Variants in FAAP100 observed in about 807,000 individuals in gnomAD.
FAAP100 encodes the protein Fanconi anemia core complex-associated protein 100.
FAAP100 carries 46 observed loss-of-function variants against 65.8 expected under a neutral mutation model. The observed-to-expected ratio is 0.70, with a 90% CI of 0.55 to 0.89. The LOEUF is 0.89. FAAP100 is among the 40% of genes least tolerant of loss of function. The pLI is 0.00. For synonymous variants in FAAP100, 663 were observed against 555.1 expected, an observed-to-expected ratio of 1.19 and a Z score of -2.73; for missense variants, 1,165 against 1,196.7, an observed-to-expected ratio of 0.97 and a Z score of 0.39.
At chr17:81,541,583 A>C (rs1342625879) in intron 7 of FAAP100, among the ~76,000 whole-genome samples, 188 bp from the exon 8 acceptor site, 3 of 152,186 alleles carry the variant, frequency 2.0e-5, no homozygotes, top group Non-Finnish European at 4.4e-5. Context: ...CCAGAGCGGC[A>C]GGGCACAGAG....
Position 81,547,041 on chromosome 17 carries a change from C to A in FAAP100, c.2041G>T (p.Glu681Ter). ...TGGCTGCCAGGCTCCCGACAAGTTTCCAGAAAAGTGGCCACAGGGTCTCGG... is the reference window on the plus strand; with the variant it reads ...TGGCTGCCAGGCTCCCGACAAGTTTACAGAAAAGTGGCCACAGGGTCTCGG... The part of the protein sequence containing the change: ...PTRDPVATFL[E>*]TCREPGSQPA... Residue 681 changes from glutamate to a stop codon, truncating the protein, a stop_gained, in exon 5 of 9, where the codon GAA (glutamate) becomes TAA (stop). Coordinates refer to ENST00000327787, the MANE Select transcript of FAAP100 (RefSeq NM_025161.6). LOFTEE classifies it high-confidence loss of function. 2 of 1,557,440 alleles carry A rather than the reference C, an allele frequency of 1.3e-6. No individual in the cohort carries two copies. Among genetic ancestry groups the A allele is most frequent in the Non-Finnish European group, 8.7e-7 (1 of 1,151,442 alleles).
At chr17:81,541,899 C>G (rs894728509) in intron 7 of FAAP100, among the ~76,000 whole-genome samples, 44 of 152,258 alleles carry the variant, frequency 2.9e-4, no homozygotes, top group African/African-American at 1.0e-3. Flanking sequence ...CCAGGTGTGG[C>G]TCAGACCTGT....
intron 2 of FAAP100, 55 bp downstream of exon 2, chr17:81,551,873 A>T: frequency 1.3e-6 from 2 of 1,482,518 alleles, no homozygotes; most frequent in East Asian, 5.6e-5. Context: ...CTCGCTCTGA[A>T]GCAGTCCGGG....
intron 7 of FAAP100, 68 bp from the exon 8 acceptor site, chr17:81,541,463 G>C: frequency 7.3e-7 from 1 of 1,375,236 alleles, no homozygotes; most frequent in Non-Finnish European, 1.0e-6. Context: ...CCTTGGAGCA[G>C]GGTGACCCTC....
At chr17:81,543,654 C>A (rs577343730) in intron 7 of FAAP100, among the ~76,000 whole-genome samples, 2 of 152,316 alleles carry the variant, frequency 1.3e-5, no homozygotes, top group Non-Finnish European at 2.9e-5. Flanking sequence ...CCTCTCCAGG[C>A]AGCCTCTGCC....
At chr17:81,541,693 C>T (rs1314699880) in intron 7 of FAAP100, among the ~76,000 whole-genome samples, 3 of 152,218 alleles carry the variant, frequency 2.0e-5, no homozygotes, top group Non-Finnish European at 2.9e-5. Context: ...TGTGCAGATC[C>T]AGACCTGCCT....
Position 81,551,999 on chromosome 17 carries a change from G to T in FAAP100, c.219C>A (p.Arg73=), listed in dbSNP as rs1229409816. 3 of 1,565,726 alleles carry T rather than the reference G, an allele frequency of 1.9e-6. No homozygotes were observed. The South Asian group carries it at 3.5e-5, about 18-fold the overall frequency. ...GGGCGCACAGCGCGTACAGCAACCTGCGCGGCGCCAGCAGCTCCAGGTGCC... is the reference window on the plus strand; with the variant it reads ...GGGCGCACAGCGCGTACAGCAACCTTCGCGGCGCCAGCAGCTCCAGGTGCC... The part of the protein sequence containing the change: ...QVWHLELLAP[R]RLLYALCARR... The change falls in exon 2 of 9, where the codon CGC becomes CGA. Residue 73 remains arginine, a synonymous_variant. Transcript: ENST00000327787.
chr17:81,550,778 G>A lies in FAAP100; in HGVS notation c.716C>T (p.Pro239Leu). The stretch of plus-strand genomic sequence containing the variant: ...ATCAGGGAGACCACAGAGGACCACA[G>A]GTGACTGCAGGAGGGTGGCATCAGC... Reference protein sequence around the residue: ...FGADATLLQSPVVLCGLPDGQ... With the variant: ...FGADATLLQSLVVLCGLPDGQ... The change falls in exon 3 of 9, where the codon CCT becomes CTT. Residue 239 changes from proline to leucine, a missense_variant. By Grantham distance (98) the Pro-to-Leu change is moderately conservative (BLOSUM62 -3). Coordinates refer to ENST00000327787, the MANE Select transcript of FAAP100 (RefSeq NM_025161.6). The A allele has an allele frequency of 6.2e-7, 1 of 1,612,760 alleles. No individual in the cohort carries two copies. Among genetic ancestry groups the A allele is most frequent in the Non-Finnish European group, 8.5e-7 (1 of 1,179,868 alleles).
At position 81,540,488 on chromosome 17, in the gene FAAP100, G is replaced by T; in HGVS notation, c.*331C>A. On this transcript the variant is annotated 3_prime_UTR_variant, in exon 9 of 9. Coordinates refer to ENST00000327787, the MANE Select transcript of FAAP100 (RefSeq NM_025161.6). ...TGCCCTGCACTGCCTCCTGGCCTCA[G>T]GGGCTGCTGCGGTGGTGGGAAGGCT... is the stretch of plus-strand genomic sequence containing the variant. The T allele has an allele frequency of 2.4e-6, 1 of 410,470 alleles. No homozygotes were observed. The highest frequency in any genetic ancestry group is 4.3e-6 in the Non-Finnish European group (1 of 232,768). The allele number at this position is 410,470 out of a possible 1,614,324, so 25.4% of individuals were successfully genotyped here.
chr17:81,542,279 C>T (rs1164324281), intron 7 of FAAP100, among the ~76,000 whole-genome samples: 7 of 134,452 alleles, frequency 5.2e-5, no homozygotes, highest in African/African-American at 8.5e-5. Flanking sequence ...CCCAGCTATT[C>T]GGGAGGCTGA....
chr17:81,552,514 C>T, upstream of FAAP100: 2 of 483,954 alleles, frequency 4.1e-6, no homozygotes, highest in Non-Finnish European at 6.5e-6. Flanking sequence ...CTGGTACCCA[C>T]GGGGAGCAGG....
At chr17:81,544,230 G>T in intron 6 of FAAP100, 110 bp from the exon 7 acceptor site, 1 of 841,686 alleles carries the variant, frequency 1.2e-6, no homozygotes, top group Non-Finnish European at 1.9e-6. Flanking sequence ...CCCTGAGATG[G>T]TCCCAACCCC....
At chr17:81,543,903 G>T (rs77743300) in intron 7 of FAAP100, 101 bp downstream of exon 7, 1 of 1,080,632 alleles carries the variant, frequency 9.3e-7, no homozygotes, top group East Asian at 2.4e-5. Context: ...CTCCCTTGCA[G>T]GGAGCCGCAG....
At chr17:81,541,032 G>C (rs192926726) in intron 8 of FAAP100, 82 bp from the exon 9 acceptor site, 99 of 1,448,662 alleles carry the variant, frequency 6.8e-5, no homozygotes, top group Non-Finnish European at 8.5e-5. Context: ...CCCACCACTC[G>C]CAGGACCCTA....
In FAAP100 at chr17:81,551,192, T is replaced by C. The variant is rs1393994630; in HGVS notation, c.302A>G (p.Gln101Arg). The change falls in exon 3 of 9, where the codon CAG (glutamine) becomes CGG (arginine). Residue 101 changes from glutamine to arginine, a missense_variant. Gln to Arg is a conservative substitution (Grantham distance 43). Coordinates refer to ENST00000327787, the MANE Select transcript of FAAP100 (RefSeq NM_025161.6). ...ACCGTCCTCGCTGTCCCTGTCATCC[T>C]GGCTCGTAGACCTTTGAGAACAGGG... ...DHPGRSRSTS[Q>R]DDRDSEDGDQ... 1.1e-5 allele frequency: 16 copies of C among 1,523,392 alleles called. No individual in the cohort carries two copies. The highest frequency in any genetic ancestry group is 1.4e-5 in the Non-Finnish European group (16 of 1,128,908). 94.4% of individuals were successfully genotyped at this position (1,523,392 alleles called of 1,614,324 possible).
In FAAP100 at chr17:81,550,458, G is replaced by A. The variant is rs1455593439; in HGVS notation, c.1036C>T (p.Pro346Ser). 1.9e-6 allele frequency: 3 copies of A among 1,612,510 alleles called. No homozygotes were observed. Among genetic ancestry groups the A allele is most frequent in the Non-Finnish European group, 1.7e-6 (2 of 1,179,846 alleles). The change falls in exon 3 of 9, where the codon CCT becomes TCT. Residue 346 changes from proline to serine, a missense_variant. Pro to Ser is a moderately conservative substitution (Grantham distance 74). Coordinates refer to ENST00000327787, the MANE Select transcript of FAAP100 (RefSeq NM_025161.6). Reference protein sequence around the residue: ...PELREYCLPGPVLCAACGGGG... With the variant: ...PELREYCLPGSVLCAACGGGG... Reference sequence around the variant, plus strand: ...CCGCCACAGGCAGCGCAGAGCACAGGGCCTGGGAGGCAGTACTCCCGCAGC... The same window carrying A: ...CCGCCACAGGCAGCGCAGAGCACAGAGCCTGGGAGGCAGTACTCCCGCAGC...
At position 81,552,270 on chromosome 17, in the gene FAAP100, G is replaced by C. The variant is rs1385204981; in HGVS notation, c.61C>G (p.Leu21Val). The C allele has an allele frequency of 1.3e-5, 19 of 1,478,234 alleles. No homozygotes were observed. In the East Asian group the frequency reaches 5.0e-4, roughly 39 times the overall value. 91.6% of individuals were successfully genotyped at this position (1,478,234 alleles called of 1,614,324 possible). Residue 21 changes from leucine to valine, a missense_variant, in exon 1 of 9, where the codon CTG becomes GTG. Transcript: ENST00000327787. Reference sequence around the variant, plus strand: ...AGCACGCGGGGCTTGCCCGCCGCCAGGCCCCCGAGAGGGCAGCAGAAGCCC... The same window carrying C: ...AGCACGCGGGGCTTGCCCGCCGCCACGCCCCCGAGAGGGCAGCAGAAGCCC... ...LAGFCCPLGG[L>V]AAGKPRVLCH... is the part of the protein sequence containing the mutation.
chr17:81,550,827 C>T lies in FAAP100; in HGVS notation c.667G>A (p.Ala223Thr), dbSNP rs147464163. Residue 223 changes from alanine (A) to threonine (T), a missense_variant, in exon 3 of 9, where the codon GCC (alanine) becomes ACC (threonine). By Grantham distance (58) the Ala-to-Thr change is moderately conservative. Transcript: ENST00000327787. The part of the protein sequence containing the change: ...GGSGGFTLED[A>T]LFGLLFGADA... ...GCTCCAAAGAGGAGCCCGAAGAGGG[C>T]GTCCTCCAGCGTGAAGCCCCCGGAG... 13 of 1,612,076 alleles carry T rather than the reference C, an allele frequency of 8.1e-6. No homozygotes were observed. In the Admixed American group the frequency reaches 1.0e-4, roughly 12 times the overall value.
At chr17:81,548,074 C>T in intron 4 of FAAP100, 3 of 656,184 alleles carry the variant, frequency 4.6e-6, no homozygotes, top group Non-Finnish European at 8.3e-6. Flanking sequence ...GGCCTCTTTT[C>T]TCCCTTGCAG....
Sources: allele counts gnomAD v4.1 joint callset (sites outside exome capture counted in the v4.1 genomes callset), GRCh38; gene constraint gnomAD v4.1.1; transcripts MANE v1.5; gene names NCBI Gene and HGNC (gene_info 2026-07-23, HGNC 2026-07-21).